The following ADGRE2 variants were observed in gnomAD, a reference collection of about 807,000 sequenced individuals.
ADGRE2 encodes the protein CD97 antigen.
A neutral mutation model predicts 100.8 loss-of-function variants in ADGRE2; 83 were observed. That is an observed-to-expected ratio of 0.82 (90% CI 0.69 to 0.99). The LOEUF is 0.99. Ranked by LOEUF, ADGRE2 falls within the 50% of genes least tolerant of loss-of-function variation. The pLI is 0.00. For missense variants in ADGRE2, 814 were observed against 1,035.7 expected (o/e 0.79, Z 2.94); for synonymous variants, 355 against 413.0 (o/e 0.86, Z 1.70).
chr19:14,777,768 G>C lies in ADGRE2; in HGVS notation c.-172+489C>G, dbSNP rs181998210. Among the ~76,000 whole-genome samples the C allele has an allele frequency of 4.9e-3, 742 of 151,506 alleles. 5 individuals are homozygous for C. Among genetic ancestry groups the C allele is most frequent in the African/African-American group, 0.017 (694 of 41,314 alleles). On this transcript the variant is annotated intron_variant, in intron 1 of 20. Coordinates refer to ENST00000315576, the MANE Select transcript of ADGRE2 (RefSeq NM_013447.4). ...TGTTTGGTTTTCTGTTTCTGTGTTA[G>C]TTTGCTGAGAATGATGGTTTTCAGC...
chr19:14,743,772 A>C lies in ADGRE2; in HGVS notation c.2196T>G (p.Phe732Leu). The C allele has an allele frequency of 1.9e-6, 3 of 1,614,124 alleles. No individual in the cohort carries two copies. The highest frequency in any genetic ancestry group is 2.5e-6 in the Non-Finnish European group (3 of 1,179,994). Residue 732 changes from phenylalanine (F) to leucine (L), a missense_variant, in exon 19 of 21, where the codon TTT becomes TTG. Physicochemically the swap from Phe to Leu is conservative, Grantham distance 22. Transcript: ENST00000315576. The stretch of plus-strand genomic sequence containing the variant: ...GGATGAACAGCTGAGCTGTCGCTTT[A>C]AATGCCAGCATCCTGGATTGAGTAA... ...STLRNTRMLA[F>L]KATAQLFILG...
At chr19:14,727,123 G>A in the ADGRE2 span, among the ~76,000 whole-genome samples, 1 of 145,498 alleles carries the variant, frequency 6.9e-6, no homozygotes, top group African/African-American at 2.6e-5. Context: ...CGCCTCCTGG[G>A]TTCACACCAT....
At chr19:14,745,949 C>T (rs1036130688) in intron 18 of ADGRE2, among the ~76,000 whole-genome samples, 7 of 152,136 alleles carry the variant, frequency 4.6e-5, no homozygotes, top group Admixed American at 1.3e-4. Context: ...GTGATCGAAT[C>T]GTATCCTATT....
At chr19:14,745,206 G>A (rs966067834) in intron 18 of ADGRE2, among the ~76,000 whole-genome samples, 1 of 152,126 alleles carries the variant, frequency 6.6e-6, no homozygotes, top group Non-Finnish European at 1.5e-5. Flanking sequence ...CACCATGCCC[G>A]GCCTTCTTTG....
Position 14,772,545 on chromosome 19 carries a change from G to A in ADGRE2, c.200-48C>T, listed in dbSNP as rs367940524. 14 of 1,604,140 alleles carry A rather than the reference G, an allele frequency of 8.7e-6. No homozygotes were observed. In the East Asian group the frequency reaches 1.1e-4, roughly 13 times the overall value. Reference sequence around the variant, plus strand: ...GTCATCTCCCAAAGATGTGAGTTCCGTCAGGGCAGAGACCCCCGTCCTGAC... The same window carrying A: ...GTCATCTCCCAAAGATGTGAGTTCCATCAGGGCAGAGACCCCCGTCCTGAC... On this transcript the variant is annotated intron_variant, in intron 4 of 20. Coordinates refer to ENST00000315576, the MANE Select transcript of ADGRE2 (RefSeq NM_013447.4).
chr19:14,739,986 A>G (rs565189746), intron 20 of ADGRE2, among the ~76,000 whole-genome samples: 1 of 152,154 alleles, frequency 6.6e-6, no homozygotes, highest in South Asian at 2.1e-4. Context: ...CTGTAATCCT[A>G]GCTACTCGGG....
chr19:14,776,858 C>T lies in ADGRE2; in HGVS notation c.-102G>A. On this transcript the variant is annotated 5_prime_UTR_variant, in exon 2 of 21. Transcript: ENST00000315576. ...GGCAGCTGTGCGGGCTGTCCCGAGG[C>T]CAGGACTTTATAAAGGAGGGGGGGC... The T allele has an allele frequency of 6.4e-7, 1 of 1,564,460 alleles. No individual in the cohort carries two copies. The highest frequency in any genetic ancestry group is 8.7e-7 in the Non-Finnish European group (1 of 1,154,840).
At chr19:14,763,976 C>T (rs2043851666) in intron 11 of ADGRE2, among the ~76,000 whole-genome samples, 1 of 147,980 alleles carries the variant, frequency 6.8e-6, no homozygotes, top group African/African-American at 2.5e-5. Flanking sequence ...CCCCTCCTGC[C>T]CTCTTCCTCC....
chr19:14,762,475 G>A (rs182249545), intron 11 of ADGRE2, among the ~76,000 whole-genome samples: 4 of 152,168 alleles, frequency 2.6e-5, no homozygotes, highest in African/African-American at 9.6e-5. Context: ...GGCTGCCATG[G>A]GTTGGAGGAA....
Position 14,743,658 on chromosome 19 carries a change from C to CTTCATCTTCCTGT in ADGRE2, c.2309_2310insACAGGAAGATGAA (p.Gly771GlnfsTer36). ...AGTACACCAGGAAGATGAAGACACC[C>CTTCATCTTCCTGT]TGCAGGCTGTTGATGATGGTGAAGA... On this transcript the variant is annotated frameshift_variant, in exon 19 of 21. Transcript: ENST00000315576. LOFTEE classifies it high-confidence loss of function. The CTTCATCTTCCTGT allele has an allele frequency of 6.2e-7, 1 of 1,614,184 alleles. No homozygotes were observed. Among genetic ancestry groups the CTTCATCTTCCTGT allele is most frequent in the Non-Finnish European group, 8.5e-7 (1 of 1,180,034 alleles).
chr19:14,754,026 T>A (rs1434447146), intron 14 of ADGRE2, among the ~76,000 whole-genome samples: 2 of 152,108 alleles, frequency 1.3e-5, no homozygotes, highest in African/African-American at 4.8e-5. Context: ...CCACTCTTAA[T>A]CTGGGTGGGC....
At chr19:14,761,119 C>T (rs937597079) in intron 11 of ADGRE2, among the ~76,000 whole-genome samples, 4 of 152,078 alleles carry the variant, frequency 2.6e-5, no homozygotes, top group African/African-American at 7.2e-5. Context: ...AACCAAGTTG[C>T]GGGGGCAGGC....
downstream of ADGRE2, among the ~76,000 whole-genome samples, chr19:14,730,477 C>A (rs968612739): frequency 6.1e-4 from 55 of 89,518 alleles, no homozygotes; most frequent in Non-Finnish European, 1.1e-3. Flanking sequence ...TCACTTTTTT[C>A]TTTTTCTTTC....
chr19:14,754,477 A>ATCTATCTATCTATCTGTCTG (rs1555784863), intron 14 of ADGRE2, among the ~76,000 whole-genome samples: 1 of 150,150 alleles, frequency 6.7e-6, no homozygotes, highest in Non-Finnish European at 1.5e-5. Context: ...CTATCTATCT[A>ATCTATCTATCTATCTGTCTG]TCTATCTATC....
chr19:14,766,759 G>T (rs1235696219), intron 6 of ADGRE2, among the ~76,000 whole-genome samples: 1 of 152,178 alleles, frequency 6.6e-6, no homozygotes, highest in Non-Finnish European at 1.5e-5. Context: ...TGAGGTCTGG[G>T]GGCCCACAAG....
chr19:14,737,412 T>C (rs2042789252), intron 20 of ADGRE2, among the ~76,000 whole-genome samples: 1 of 152,090 alleles, frequency 6.6e-6, no homozygotes, highest in Non-Finnish European at 1.5e-5. Context: ...CAAGCTGCTG[T>C]TGAACTTCTG....
chr19:14,763,852 C>T (rs2043843605), intron 11 of ADGRE2, among the ~76,000 whole-genome samples: 2 of 79,356 alleles, frequency 2.5e-5, no homozygotes, highest in Admixed American at 2.7e-4. Context: ...CTCCTCCTCT[C>T]CTCCCCATCC....
Position 14,733,884 on chromosome 19 carries a change from G to A in ADGRE2, c.*2352C>T, listed in dbSNP as rs1206165450. 1 of 152,182 alleles carries A rather than the reference G, an allele frequency of 6.6e-6. No individual in the cohort carries two copies. Among genetic ancestry groups the A allele is most frequent in the Non-Finnish European group, 1.5e-5 (1 of 68,078 alleles). The allele number at this position is 152,182 out of a possible 1,614,324, so 9.4% of individuals were successfully genotyped here. ...GAAATGGCTAAAAGTAGAGGTACCA[G>A]GTTGCCAACAATGGTTACTTGGGGG... On this transcript the variant is annotated 3_prime_UTR_variant, in exon 21 of 21. Coordinates refer to ENST00000315576, the MANE Select transcript of ADGRE2 (RefSeq NM_013447.4).
At chr19:14,727,037 T>TC in the ADGRE2 span, among the ~76,000 whole-genome samples, 2 of 144,912 alleles carry the variant, frequency 1.4e-5, no homozygotes, top group Non-Finnish European at 3.0e-5. Flanking sequence ...TTTTTTTTTT[T>TC]TTTTTTTTTT....
Sources: gnomAD v4.1 joint callset for allele counts (sites outside exome capture counted in the v4.1 genomes callset) on GRCh38, gnomAD v4.1.1 for gene constraint, MANE v1.5 for transcripts, NCBI Gene and HGNC (gene_info 2026-07-23, HGNC 2026-07-21) for gene names.